The following AARS2 variants were observed in gnomAD, a reference collection of about 807,000 sequenced individuals.
The protein encoded by AARS2 is alanine--tRNA ligase, mitochondrial.
Under a neutral mutation model 119.7 loss-of-function variants are expected in AARS2, and 78 were observed. The ratio of observed to expected loss-of-function variants is 0.65; its 90% CI spans 0.54 to 0.79. AARS2 has a LOEUF of 0.79. AARS2 is among the 30% of genes least tolerant of loss of function. The pLI is 0.00. For synonymous variants in AARS2, 502 were observed against 526.3 expected (o/e 0.95, Z 0.63); for missense variants, 1,157 against 1,291.3 (o/e 0.90, Z 1.59).
At chr6:44,303,511 T>C in intron 14 of AARS2, 88 bp from the exon 15 acceptor site, 1 of 1,591,110 alleles carries the variant, frequency 6.3e-7, no homozygotes, top group South Asian at 1.1e-5. Context: ...CAATGTTCAC[T>C]GAGCTATCCC....
At position 44,307,297 on chromosome 6, in the gene AARS2, A is replaced by G; in HGVS notation, c.992T>C (p.Leu331Pro). 1 of 1,613,748 alleles carries G rather than the reference A, an allele frequency of 6.2e-7. No individual in the cohort carries two copies. The highest frequency in any genetic ancestry group is 2.2e-5 in the East Asian group (1 of 44,876). Residue 331 changes from leucine (L) to proline (P), a missense_variant, in exon 6 of 22, where the codon CTC (leucine) becomes CCC (proline). By Grantham distance (98) the Leu-to-Pro change is moderately conservative. Coordinates refer to ENST00000244571, the MANE Select transcript of AARS2 (RefSeq NM_020745.4). The surrounding 1 kb of genome is among the most constrained non-coding windows in gnomAD (Gnocchi z 4.4). Reference protein sequence around the residue: ...YRVVADHIRTLSVCISDGIFP... With the variant: ...YRVVADHIRTPSVCISDGIFP... ...GATGCCATCAGAGATGCAGACACTGAGTGTGCGGATGTGGTCAGCCACCAC... is the reference window on the plus strand; with the variant it reads ...GATGCCATCAGAGATGCAGACACTGGGTGTGCGGATGTGGTCAGCCACCAC...
Position 44,305,278 on chromosome 6 carries a change from G to A in AARS2, c.1435-80C>T. 1 of 1,582,994 alleles carries A rather than the reference G, an allele frequency of 6.3e-7. No homozygotes were observed. On this transcript the variant is annotated intron_variant, in intron 10 of 21. Coordinates refer to ENST00000244571, the MANE Select transcript of AARS2 (RefSeq NM_020745.4). This position sits in a 1 kb window ranked among gnomAD's most constrained non-coding sequence, Gnocchi z 4.6. ...TGGGACTTCAGCCTCGCAGGGCCCT[G>A]TCCCTGCCACACAGCTGTGGACTCT...
chr6:44,306,612 G>A, intron 7 of AARS2, 80 bp from the exon 8 acceptor site: 1 of 1,519,092 alleles, frequency 6.6e-7, no homozygotes, highest in Non-Finnish European at 9.1e-7. Context: ...CCTCCCTGAG[G>A]ACACCTGCCC....
At chr6:44,301,114 G>A (rs1244040960) in intron 21 of AARS2, 42 bp downstream of exon 21, 3 of 1,537,502 alleles carry the variant, frequency 2.0e-6, no homozygotes, top group South Asian at 2.3e-5. Flanking sequence ...GACCAGGATG[G>A]GTATTAATGG....
rs863223860 is a variant in AARS2 at position 44,312,239 on chromosome 6, C to G, written c.268G>C (p.Val90Leu). The change falls in exon 2 of 22, where the codon GTG becomes CTG. Residue 90 changes from valine (V) to leucine (L), a missense_variant. Transcript: ENST00000244571. Reference protein sequence around the residue: ...NQFKPIFLGTVDPRSEMAGFR... With the variant: ...NQFKPIFLGTLDPRSEMAGFR... ...CCTGCCATCTCGCTTCGTGGATCCA[C>G]GGTGCCCAGAAAGATTGGCTTGAAC... 2.2e-5 allele frequency: 36 copies of G among 1,613,786 alleles called. No individual in the cohort carries two copies. The highest frequency in any genetic ancestry group is 2.9e-5 in the Non-Finnish European group (34 of 1,179,786).
intron 7 of AARS2, 30 bp downstream of exon 7, chr6:44,306,893 C>T: frequency 6.2e-7 from 1 of 1,605,318 alleles, no homozygotes; most frequent in Non-Finnish European, 8.5e-7. Context: ...CCCAGGGAGG[C>T]CCAGAGTGAA....
At position 44,305,201 on chromosome 6, in the gene AARS2, G is replaced by A. The variant is rs767513345; in HGVS notation, c.1435-3C>T. 22 of 1,611,144 alleles carry A rather than the reference G, an allele frequency of 1.4e-5. No individual in the cohort carries two copies. In the South Asian group the frequency reaches 2.2e-4, roughly 16 times the overall value. On this transcript the variant is annotated splice_polypyrimidine_tract_variant and splice_region_variant and intron_variant, in intron 10 of 21. Transcript: ENST00000244571. This position sits in a 1 kb window ranked among gnomAD's most constrained non-coding sequence, Gnocchi z 4.6. ...GGCTCAGCCTGCCGTGCCCGGTGCT[G>A]CAGGGTGGGCATGGGCATGGAAGAA...
At chr6:44,300,935 C>A in intron 21 of AARS2, 1 of 722,158 alleles carries the variant, frequency 1.4e-6, no homozygotes, top group South Asian at 1.7e-5. Context: ...GGATGTGAGG[C>A]CTGGGAGGGG....
Position 44,307,698 on chromosome 6 carries a change from A to G in AARS2, c.895-304T>C, listed in dbSNP as rs758727561. The G allele has an allele frequency of 4.3e-6, 2 of 466,716 alleles. No individual in the cohort carries two copies. Among genetic ancestry groups the G allele is most frequent in the Non-Finnish European group, 7.8e-6 (2 of 255,658 alleles). 28.9% of individuals were successfully genotyped at this position (466,716 alleles called of 1,614,324 possible). ...CCCAAAACAGCCCATTCCAGGAGGT[A>G]TTAGCATGCTTGCTTTAAAGAAGAA... On this transcript the variant is annotated intron_variant, in intron 5 of 21. Transcript: ENST00000244571. The surrounding 1 kb of genome is among the most constrained non-coding windows in gnomAD (Gnocchi z 4.4).
intron 16 of AARS2, 24 bp from the exon 17 acceptor site, chr6:44,302,934 A>G (rs1394127728): frequency 1.2e-6 from 2 of 1,611,328 alleles, no homozygotes; most frequent in African/African-American, 2.7e-5. Flanking sequence ...GAGTGAACAG[A>G]AAGTCGGGGC....
In AARS2 at chr6:44,305,859, A is replaced by G; in HGVS notation, c.1301-73T>C. On this transcript the variant is annotated intron_variant, in intron 9 of 21. Coordinates refer to ENST00000244571, the MANE Select transcript of AARS2 (RefSeq NM_020745.4). This position sits in a 1 kb window ranked among gnomAD's most constrained non-coding sequence, Gnocchi z 4.6. Reference sequence around the variant, plus strand: ...AAAGAAGGGGAGAAAAATAAGGTCCAGGGCCCTTCTAACCACGCAGAAGCC... The same window carrying G: ...AAAGAAGGGGAGAAAAATAAGGTCCGGGGCCCTTCTAACCACGCAGAAGCC... 1.9e-6 allele frequency: 3 copies of G among 1,581,962 alleles called. No homozygotes were observed. The highest frequency in any genetic ancestry group is 2.2e-5 in the South Asian group (2 of 90,198).
At position 44,312,106 on chromosome 6, in the gene AARS2, A is replaced by G. The variant is rs1160630844; in HGVS notation, c.401T>C (p.Leu134Pro). The change falls in exon 2 of 22, where the codon CTT becomes CCT. Residue 134 changes from leucine to proline, a missense_variant. Physicochemically the swap from Leu to Pro is moderately conservative, Grantham distance 98. Coordinates refer to ENST00000244571, the MANE Select transcript of AARS2 (RefSeq NM_020745.4). The part of the protein sequence containing the change: ...DLSHHTFFEM[L>P]GNWAFGGEYF... Reference sequence around the variant, plus strand: ...TTCACCCCCAAAGGCCCAATTGCCAAGCATTTCAAAGAAGGTATGATGGGA... The same window carrying G: ...TTCACCCCCAAAGGCCCAATTGCCAGGCATTTCAAAGAAGGTATGATGGGA... The G allele has an allele frequency of 3.7e-6, 6 of 1,614,146 alleles. No homozygotes were observed. The highest frequency in any genetic ancestry group is 1.3e-5 in the African/African-American group (1 of 74,934).
rs998781258 is a variant in AARS2, at chr6:44,306,808, G to C, written c.1149+115C>G. ...AGCTTGCTGATAGGATGCTGGGCTC[G>C]ATATTTAGGGTGGGGACCTCTGGGC... On this transcript the variant is annotated intron_variant, in intron 7 of 21. Coordinates refer to ENST00000244571, the MANE Select transcript of AARS2 (RefSeq NM_020745.4). The C allele has an allele frequency of 2.1e-5, 21 of 999,194 alleles. No homozygotes were observed. In the African/African-American group the frequency reaches 2.6e-4, roughly 12 times the overall value. 61.9% of individuals were successfully genotyped at this position (999,194 alleles called of 1,614,324 possible).
intron 18 of AARS2, 39 bp downstream of exon 18, chr6:44,302,352 A>G: frequency 6.2e-7 from 1 of 1,613,872 alleles, no homozygotes; most frequent in Non-Finnish European, 8.5e-7. Context: ...GGGAGGTAAT[A>G]GGGCTAGGAG....
At position 44,305,324 on chromosome 6, in the gene AARS2, A is replaced by G; in HGVS notation, c.1435-126T>C. ...ACTCTGCAGCCCTTCTGGAATAAGA[A>G]CTCAGGGCTTGGCTGGCTGCTAGAG... is the stretch of plus-strand genomic sequence containing the variant. On this transcript the variant is annotated intron_variant, in intron 10 of 21. Coordinates refer to ENST00000244571, the MANE Select transcript of AARS2 (RefSeq NM_020745.4). The surrounding 1 kb of genome is among the most constrained non-coding windows in gnomAD (Gnocchi z 4.6). 1 of 1,453,356 alleles carries G rather than the reference A, an allele frequency of 6.9e-7. No homozygotes were observed. The highest frequency in any genetic ancestry group is 9.4e-7 in the Non-Finnish European group (1 of 1,058,218). The allele number at this position is 1,453,356 out of a possible 1,614,324, so 90.0% of individuals were successfully genotyped here.
intron 20 of AARS2, 47 bp downstream of exon 20, chr6:44,301,334 T>C: frequency 1.2e-6 from 2 of 1,613,396 alleles, no homozygotes; most frequent in Non-Finnish European, 1.7e-6. Context: ...TGGTCAGGAC[T>C]TTGCCCTCCC....
chr6:44,308,417 T>G (rs1039721703), intron 5 of AARS2, among the ~76,000 whole-genome samples: 4 of 151,778 alleles, frequency 2.6e-5, no homozygotes, highest in African/African-American at 9.7e-5. Flanking sequence ...CGGGTGCCTG[T>G]AATCCCAGCT....
chr6:44,312,175 G>C lies in AARS2; in HGVS notation c.332C>G (p.Ala111Gly), dbSNP rs1420502693. Residue 111 changes from alanine to glycine, a missense_variant, in exon 2 of 22, where the codon GCT (alanine) becomes GGT (glycine). Ala to Gly is a moderately conservative substitution (Grantham distance 60). Transcript: ENST00000244571. Reference protein sequence around the residue: ...RVANSQKCVRAGGHHNDLEDV... With the variant: ...RVANSQKCVRGGGHHNDLEDV... ...TTCCAGGTCGTTATGGTGTCCTCCA[G>C]CTCTCACACATTTCTGGCTGTTGGC... The C allele has an allele frequency of 1.2e-6, 2 of 1,614,126 alleles. No homozygotes were observed. The highest frequency in any genetic ancestry group is 1.7e-6 in the Non-Finnish European group (2 of 1,180,056).
intron 5 of AARS2, among the ~76,000 whole-genome samples, chr6:44,308,862 C>T (rs1786100062): frequency 1.3e-5 from 2 of 152,072 alleles, no homozygotes; most frequent in African/African-American, 2.4e-5. Flanking sequence ...TCTGCCTCCC[C>T]AAGTGCTGGG....
Sources: allele counts gnomAD v4.1 joint callset (sites outside exome capture counted in the v4.1 genomes callset), GRCh38; gene constraint gnomAD v4.1.1; non-coding constraint Gnocchi (gnomAD v3.1); transcripts MANE v1.5; gene names NCBI Gene and HGNC (gene_info 2026-07-23, HGNC 2026-07-21).